Variants in ZNF597 observed in about 807,000 individuals in gnomAD.
The protein encoded by ZNF597 is zinc finger protein 597.
Under a neutral mutation model 7.3 loss-of-function variants are expected in ZNF597, and 5 were observed. The observed-to-expected ratio is 0.68, with a 90% CI of 0.36 to 1.44. The LOEUF is 1.44. Among genes scored for constraint, ZNF597 ranks in the 40% most tolerant of loss-of-function variants. ZNF597 has a pLI of 0.04. For missense variants in ZNF597, 585 were observed against 517.9 expected (o/e 1.13, Z -1.26); for synonymous variants, 209 against 185.4 (o/e 1.13, Z -1.04).
chr16:3,442,324 T>C (rs1864592438), intron 2 of ZNF597, among the ~76,000 whole-genome samples: 6 of 151,896 alleles, frequency 4.0e-5, no homozygotes. Flanking sequence ...GGAGCCGAGG[T>C]GGGAGGATAG....
At chr16:3,441,002 T>C in intron 2 of ZNF597, 69 bp from the exon 3 acceptor site, 1 of 1,561,458 alleles carries the variant, frequency 6.4e-7, no homozygotes, top group Non-Finnish European at 8.6e-7. Flanking sequence ...CTAGGAAGGA[T>C]GAAAAGAGCT....
At position 3,440,665 on chromosome 16, in the gene ZNF597, T is replaced by C. The variant is rs1330591612; in HGVS notation, c.160+142A>G. 16 of 1,125,936 alleles carry C rather than the reference T, an allele frequency of 1.4e-5. No homozygotes were observed. In the South Asian group the frequency reaches 2.1e-4, roughly 14 times the overall value. 69.7% of individuals were successfully genotyped at this position (1,125,936 alleles called of 1,614,324 possible). ...AAAAAATCATCTCATATTTTAAAAC[T>C]TTTTCTCTCACACAATTATCACCTC... On this transcript the variant is annotated intron_variant, in intron 3 of 3. Transcript: ENST00000301744.
rs1237705537 is a variant in ZNF597, at chr16:3,436,292, G to C, written c.*132C>G. On this transcript the variant is annotated 3_prime_UTR_variant, in exon 4 of 4. Transcript: ENST00000301744. Reference sequence around the variant, plus strand: ...ATGATACTGCCTAAATCACGGTTGTGCTGAGAATTAAGTATTACATGGGAA... The same window carrying C: ...ATGATACTGCCTAAATCACGGTTGTCCTGAGAATTAAGTATTACATGGGAA... The C allele has an allele frequency of 1.0e-5, 9 of 867,036 alleles. No homozygotes were observed. Among genetic ancestry groups the C allele is most frequent in the African/African-American group, 1.7e-5 (1 of 58,884 alleles). 53.7% of individuals were successfully genotyped at this position (867,036 alleles called of 1,614,324 possible).
rs2034300604 is a variant in ZNF597 at position 3,436,436 on chromosome 16, T to A, written c.1263A>T (p.Lys421Asn). ...HLITHKRTHI[K>N]NTT ...TGTTATATTTACTTTACGTGGTGTTTTTTATGTGAGTTCGCTTATGAGTAA... is the reference window on the plus strand; with the variant it reads ...TGTTATATTTACTTTACGTGGTGTTATTTATGTGAGTTCGCTTATGAGTAA... Residue 421 changes from lysine to asparagine, a missense_variant, in exon 4 of 4, where the codon AAA (lysine) becomes AAT (asparagine). Lys to Asn is a moderately conservative substitution (Grantham distance 94). Transcript: ENST00000301744. The A allele has an allele frequency of 6.2e-7, 1 of 1,612,586 alleles. No individual in the cohort carries two copies. The highest frequency in any genetic ancestry group is 8.5e-7 in the Non-Finnish European group (1 of 1,179,002).
chr16:3,440,912 G>A lies in ZNF597; in HGVS notation c.55C>T (p.Leu19=). The A allele has an allele frequency of 6.2e-7, 1 of 1,613,954 alleles. No homozygotes were observed. The highest frequency in any genetic ancestry group is 8.5e-7 in the Non-Finnish European group (1 of 1,179,912). The change falls in exon 3 of 4, where the codon CTG becomes TTG. Residue 19 remains leucine, a synonymous_variant. Coordinates refer to ENST00000301744, the MANE Select transcript of ZNF597 (RefSeq NM_152457.3). ...EAQGPILFED[L]AVYFSQEECV... ...TCCTCTTGAGAAAAATACACAGCCA[G>A]ATCCTCAAAGAGTATTGGTCCCTGA...
At chr16:3,437,705 C>T (rs905852448) in intron 3 of ZNF597, among the ~76,000 whole-genome samples, 167 bp from the exon 4 acceptor site, 1 of 151,176 alleles carries the variant, frequency 6.6e-6, no homozygotes, top group Non-Finnish European at 1.5e-5. Flanking sequence ...CTCTCCTGGC[C>T]TCCCAGAAGA....
At position 3,434,885 on chromosome 16, in the gene ZNF597, C is replaced by T. The variant is rs1480081173; in HGVS notation, c.*1539G>A. On this transcript the variant is annotated 3_prime_UTR_variant, in exon 4 of 4. Coordinates refer to ENST00000301744, the MANE Select transcript of ZNF597 (RefSeq NM_152457.3). ...AGCATTCTTCCATCCTAATCAAAAC[C>T]CATGTAAATATTGTTTTGCTGATAG... 2.6e-5 allele frequency: 4 copies of T among 152,078 alleles called. No homozygotes were observed. The highest frequency in any genetic ancestry group is 9.7e-5 in the African/African-American group (4 of 41,402). 9.4% of individuals were successfully genotyped at this position (152,078 alleles called of 1,614,324 possible).
intron 3 of ZNF597, among the ~76,000 whole-genome samples, chr16:3,438,409 GA>G (rs763558299): frequency 9.2e-5 from 14 of 151,498 alleles, no homozygotes; most frequent in Non-Finnish European, 2.1e-4. Context: ...AAAAAATACA[GA>G]AAATTAGCTG....
intron 2 of ZNF597, 23 bp from the exon 3 acceptor site, chr16:3,440,956 AG>A: frequency 6.2e-7 from 1 of 1,609,110 alleles, no homozygotes; most frequent in Non-Finnish European, 8.5e-7. Context: ...AGCCTGTGTC[AG>A]CACAAGAGGG....
chr16:3,437,556 A>C lies in ZNF597; in HGVS notation c.161-18T>G. ...TTCCTCTCCTGTTGATAAAAACAAA[A>C]GAAAGCAAAACATAGACAATATCTT... On this transcript the variant is annotated intron_variant, in intron 3 of 3. Transcript: ENST00000301744. 1 of 1,569,030 alleles carries C rather than the reference A, an allele frequency of 6.4e-7. No homozygotes were observed. The highest frequency in any genetic ancestry group is 1.4e-5 in the African/African-American group (1 of 72,724).
chr16:3,437,509 G>C lies in ZNF597; in HGVS notation c.190C>G (p.Gln64Glu). 1 of 1,603,498 alleles carries C rather than the reference G, an allele frequency of 6.2e-7. No individual in the cohort carries two copies. The highest frequency in any genetic ancestry group is 1.1e-5 in the South Asian group (1 of 88,810). Residue 64 changes from glutamine to glutamate, a missense_variant, in exon 4 of 4, where the codon CAG (glutamine) becomes GAG (glutamate). By Grantham distance (29) the Gln-to-Glu change is conservative. Coordinates refer to ENST00000301744, the MANE Select transcript of ZNF597 (RefSeq NM_152457.3). The stretch of plus-strand genomic sequence containing the variant: ...AGTTCCATAGACTCTAGGCTTAACT[G>C]CTGATTAATCTCAGGCTTGCCTTCC... ...GEEGKPEINQ[Q>E]LSLESMELDE...
chr16:3,441,080 T>C, intron 2 of ZNF597, 147 bp from the exon 3 acceptor site: 1 of 1,087,786 alleles, frequency 9.2e-7, no homozygotes, highest in Non-Finnish European at 1.3e-6. Flanking sequence ...GTAGGGCAAA[T>C]GGGTTCTAAG....
In ZNF597 at chr16:3,432,484, C is replaced by G. The variant is rs2034265584; in HGVS notation, c.*3940G>C. ...TTAGACGTAATCAATAACTTCAGAG[C>G]TTGCAAACTAGAGTGAAGACTGATG... On this transcript the variant is annotated 3_prime_UTR_variant, in exon 4 of 4. Transcript: ENST00000301744. 1 of 152,160 alleles carries G rather than the reference C, an allele frequency of 6.6e-6. No individual in the cohort carries two copies. The highest frequency in any genetic ancestry group is 6.5e-5 in the Admixed American group (1 of 15,284). The allele number at this position is 152,160 out of a possible 1,614,324, so 9.4% of individuals were successfully genotyped here.
intron 3 of ZNF597, 89 bp downstream of exon 3, chr16:3,440,718 A>G (rs1208394499): frequency 6.6e-7 from 1 of 1,522,932 alleles, no homozygotes. Context: ...GACAGGTCCC[A>G]CTCCACCATA....
In ZNF597 at chr16:3,435,215, G is replaced by A. The variant is rs1474766249; in HGVS notation, c.*1209C>T. 6.6e-6 allele frequency: 1 copy of A among 152,206 alleles called. No individual in the cohort carries two copies. Among genetic ancestry groups the A allele is most frequent in the Non-Finnish European group, 1.5e-5 (1 of 68,034 alleles). 9.4% of individuals were successfully genotyped at this position (152,206 alleles called of 1,614,324 possible). On this transcript the variant is annotated 3_prime_UTR_variant, in exon 4 of 4. Coordinates refer to ENST00000301744, the MANE Select transcript of ZNF597 (RefSeq NM_152457.3). The stretch of plus-strand genomic sequence containing the variant: ...ATCTCTCATCTGATTAGAGGGACAA[G>A]AATTCAAACCTGAAGTCCTGGAGAG...
rs778862721 is a variant in ZNF597 at position 3,436,474 on chromosome 16, T to A, written c.1225A>T (p.Asn409Tyr). Reference protein sequence around the residue: ...CTVCGKTFKSNLHLITHKRTH... With the variant: ...CTVCGKTFKSYLHLITHKRTH... ...CGCTTATGAGTAATGAGATGCAAAT[T>A]CGACTTGAAAGTTTTCCCACACACG... Residue 409 changes from asparagine to tyrosine, a missense_variant, in exon 4 of 4, where the codon AAT (asparagine) becomes TAT (tyrosine). Coordinates refer to ENST00000301744, the MANE Select transcript of ZNF597 (RefSeq NM_152457.3). 1.9e-6 allele frequency: 3 copies of A among 1,614,080 alleles called. No individual in the cohort carries two copies. In the African/African-American group the frequency reaches 4.0e-5, roughly 22 times the overall value.
At chr16:3,439,453 G>A (rs898296736) in intron 3 of ZNF597, among the ~76,000 whole-genome samples, 7 of 152,028 alleles carry the variant, frequency 4.6e-5, no homozygotes, top group South Asian at 2.1e-4. Context: ...ACCCAATGCC[G>A]TGGAAAGAAC....
At position 3,436,354 on chromosome 16, in the gene ZNF597, T is replaced by A; in HGVS notation, c.*70A>T. The A allele has an allele frequency of 6.9e-7, 1 of 1,455,938 alleles. No individual in the cohort carries two copies. Among genetic ancestry groups the A allele is most frequent in the Non-Finnish European group, 9.4e-7 (1 of 1,069,126 alleles). The allele number at this position is 1,455,938 out of a possible 1,614,324, so 90.2% of individuals were successfully genotyped here. ...TGCTTAGCACATTGCCTGGGACATA[T>A]ACAGTAACTGCTTCCCACCATACAG... On this transcript the variant is annotated 3_prime_UTR_variant, in exon 4 of 4. Transcript: ENST00000301744.
At chr16:3,440,767 T>G in intron 3 of ZNF597, 40 bp downstream of exon 3, 1 of 1,610,784 alleles carries the variant, frequency 6.2e-7, no homozygotes, top group Non-Finnish European at 8.5e-7. Context: ...CCTCCTAGAA[T>G]TGACAAAAGT....
Sources: allele counts gnomAD v4.1 joint callset (sites outside exome capture counted in the v4.1 genomes callset), GRCh38; gene constraint gnomAD v4.1.1; transcripts MANE v1.5; gene names NCBI Gene and HGNC (gene_info 2026-07-23, HGNC 2026-07-21).